The following AGBL1 variants were observed in gnomAD, a reference collection of about 807,000 sequenced individuals.
AGBL1 encodes the protein cytosolic carboxypeptidase 4.
AGBL1 carries 130 observed loss-of-function variants against 118.9 expected under a neutral mutation model. That is an observed-to-expected ratio of 1.09 (90% CI 0.95 to 1.26). The LOEUF (loss-of-function observed/expected upper bound fraction) is 1.26. Ranked by LOEUF, AGBL1 falls within the 50% of genes most tolerant of loss-of-function variation. AGBL1 has a pLI of 0.00. For missense variants in AGBL1, 1,584 were observed against 1,298.1 expected (o/e 1.22, Z -3.38); for synonymous variants, 555 against 478.9 (o/e 1.16, Z -2.08).
chr15:86,643,930 T>C (rs925624220), intron 21 of AGBL1, among the ~76,000 whole-genome samples: 1 of 152,178 alleles, frequency 6.6e-6, no homozygotes, highest in Admixed American at 6.5e-5. Context: ...TTTTCCTATT[T>C]TTACTCTTAC....
chr15:86,393,492 C>T (rs573888079), intron 17 of AGBL1, among the ~76,000 whole-genome samples: 13 of 152,172 alleles, frequency 8.5e-5, no homozygotes, highest in Admixed American at 3.3e-4. Flanking sequence ...ATTATAGAAC[C>T]GAAAATAGGA....
intron 23 of AGBL1, among the ~76,000 whole-genome samples, chr15:86,977,018 A>G (rs1361659561): frequency 2.0e-5 from 3 of 151,968 alleles, no homozygotes; most frequent in Non-Finnish European, 2.9e-5. Flanking sequence ...GTTTTGCTGT[A>G]AAGTGACACA....
At chr15:86,421,993 A>G (rs1429138855) in intron 18 of AGBL1, among the ~76,000 whole-genome samples, 2 of 152,282 alleles carry the variant, frequency 1.3e-5, no homozygotes, top group East Asian at 3.9e-4. Context: ...CTCCCACACA[A>G]TAATAGTGGG....
chr15:86,867,911 ATTATTT>A (rs1178202845), intron 22 of AGBL1, among the ~76,000 whole-genome samples: 2 of 152,168 alleles, frequency 1.3e-5, no homozygotes, highest in African/African-American at 2.4e-5. Flanking sequence ...ATGAACCCAG[ATTATTT>A]TATAATAGGG....
At chr15:86,740,284 T>C (rs2077658833) in intron 22 of AGBL1, among the ~76,000 whole-genome samples, 1 of 152,266 alleles carries the variant, frequency 6.6e-6, no homozygotes, top group Non-Finnish European at 1.5e-5. Context: ...GAGCTCATGC[T>C]GAATTTCATT....
chr15:86,159,511 T>C (rs923724655), intron 5 of AGBL1, among the ~76,000 whole-genome samples: 1 of 152,164 alleles, frequency 6.6e-6, no homozygotes, highest in African/African-American at 2.4e-5. Flanking sequence ...GGCCTTATAA[T>C]AGTCCATCAT....
At chr15:86,851,773 C>G (rs2079409969) in intron 22 of AGBL1, among the ~76,000 whole-genome samples, 1 of 151,914 alleles carries the variant, frequency 6.6e-6, no homozygotes, top group Non-Finnish European at 1.5e-5. Flanking sequence ...CAGTGGGGTC[C>G]CTGAGAAGTG....
intron 22 of AGBL1, among the ~76,000 whole-genome samples, chr15:86,870,114 G>T (rs1047064875): frequency 2.0e-5 from 3 of 152,114 alleles, no homozygotes; most frequent in Non-Finnish European, 4.4e-5. Flanking sequence ...GATTAGAAGA[G>T]ATTCATGTTT....
At chr15:86,925,148 AGGAGGAGGAG>A (rs1567242836) in intron 23 of AGBL1, among the ~76,000 whole-genome samples, 9 of 124,908 alleles carry the variant, frequency 7.2e-5, no homozygotes, top group South Asian at 2.7e-4. Context: ...GAGGAAGAGG[AGGAGGAGGAG>A]GAGGAGGAGG....
At chr15:86,164,789 A>C (rs1567097894) in intron 5 of AGBL1, among the ~76,000 whole-genome samples, 1 of 152,160 alleles carries the variant, frequency 6.6e-6, no homozygotes, top group Admixed American at 6.6e-5. Context: ...CTTGAAGCCC[A>C]TTGTATTCTC....
chr15:86,119,593 A>T (rs1897967459), intron 1 of AGBL1, among the ~76,000 whole-genome samples: 3 of 152,104 alleles, frequency 2.0e-5, no homozygotes, highest in Non-Finnish European at 2.9e-5. Context: ...CTATAGGAAC[A>T]TGATGGACCC....
At chr15:86,244,059 A>G (rs201466648) in intron 6 of AGBL1, among the ~76,000 whole-genome samples, 102 of 66,472 alleles carry the variant, frequency 1.5e-3, no homozygotes, top group African/African-American at 5.9e-3. Flanking sequence ...AGATAGATAA[A>G]TAAGTAAATA....
intron 5 of AGBL1, among the ~76,000 whole-genome samples, chr15:86,210,519 A>G (rs1310038581): frequency 6.6e-6 from 1 of 151,570 alleles, no homozygotes; most frequent in Non-Finnish European, 1.5e-5. Context: ...GTCGCTTTTT[A>G]CTCTTTTTTC....
chr15:86,738,198 TTAA>T (rs142141667), intron 22 of AGBL1, among the ~76,000 whole-genome samples: 1,850 of 152,308 alleles, frequency 0.012, 28 homozygotes, highest in East Asian at 0.067. Flanking sequence ...ATAAAAGCTC[TTAA>T]TAATTTAAGC....
rs372445342 is a variant in AGBL1, at chr15:86,627,332, T to C, written c.2995-46941T>C. Among the ~76,000 whole-genome samples the C allele has an allele frequency of 1.7e-4, 26 of 152,280 alleles. No individual in the cohort carries two copies. In the South Asian group the frequency reaches 2.7e-3, roughly 16 times the overall value. On this transcript the variant is annotated intron_variant, in intron 21 of 22. Coordinates refer to ENST00000614907, the MANE Select transcript of AGBL1 (RefSeq NM_001386094.1). ...ATTTTTATAAAGAAGTTTTTGCCTA[T>C]TGTCTGGGCATGGATGCTGGAACAG...
chr15:86,147,657 G>A (rs1310053011), intron 3 of AGBL1, among the ~76,000 whole-genome samples: 1 of 152,186 alleles, frequency 6.6e-6, no homozygotes, highest in Non-Finnish European at 1.5e-5. Flanking sequence ...ACTGCCTCTA[G>A]ACTCCACTTC....
At chr15:86,239,563 CTCACTGTG>C (rs59275678) in intron 6 of AGBL1, among the ~76,000 whole-genome samples, 34,703 of 151,988 alleles carry the variant, frequency 0.23, 4,864 homozygotes, top group Middle Eastern at 0.32. Context: ...CTGGGCCGGC[CTCACTGTG>C]TCATTGGCTG....
intron 21 of AGBL1, among the ~76,000 whole-genome samples, chr15:86,629,100 T>C (rs938984691): frequency 6.6e-6 from 1 of 152,178 alleles, no homozygotes; most frequent in Non-Finnish European, 1.5e-5. Flanking sequence ...ACTCATTTTA[T>C]AGCTGTAACA....
chr15:86,826,861 G>A (rs952982572), intron 22 of AGBL1, among the ~76,000 whole-genome samples: 1 of 152,052 alleles, frequency 6.6e-6, no homozygotes, highest in Non-Finnish European at 1.5e-5. Context: ...GGTTGAGACT[G>A]GGTGGCAGCA....
Sources: gnomAD v4.1 joint callset for allele counts (sites outside exome capture counted in the v4.1 genomes callset) on GRCh38, gnomAD v4.1.1 for gene constraint, MANE v1.5 for transcripts, NCBI Gene and HGNC (gene_info 2026-07-23, HGNC 2026-07-21) for gene names.